The following GABRG2 variants were observed in gnomAD, a reference collection of about 807,000 sequenced individuals.
The protein encoded by GABRG2 is gamma-aminobutyric acid type A receptor subunit gamma2, also known as gamma-aminobutyric acid receptor subunit gamma-2.
GABRG2 carries 16 observed loss-of-function variants against 56.4 expected under a neutral mutation model. That is an observed-to-expected ratio of 0.28 (90% CI 0.19 to 0.43). The LOEUF is 0.43. Ranked by LOEUF, GABRG2 falls within the 20% of genes least tolerant of loss-of-function variation. The pLI is 1.00. For synonymous variants in GABRG2, 208 were observed against 205.5 expected (o/e 1.01, Z -0.10); for missense variants, 327 against 582.7 (o/e 0.56, Z 4.52).
At chr5:162,107,820 A>C (rs1287070994) in intron 6 of GABRG2, among the ~76,000 whole-genome samples, 1 of 152,084 alleles carries the variant, frequency 6.6e-6, no homozygotes, top group Non-Finnish European at 1.5e-5. Context: ...TCATGAAGGC[A>C]CTTATGCTTC....
At chr5:162,140,649 G>A (rs908628581) in intron 6 of GABRG2, among the ~76,000 whole-genome samples, 3 of 152,110 alleles carry the variant, frequency 2.0e-5, no homozygotes, top group African/African-American at 7.2e-5. Flanking sequence ...GTATTTTACA[G>A]CAAAATATAA....
In GABRG2 at chr5:162,120,494, C is replaced by T. The variant is rs1458973751; in HGVS notation, c.769+16468C>T. Among the ~76,000 whole-genome samples, 4 of 152,168 alleles carry T rather than the reference C, an allele frequency of 2.6e-5. No individual in the cohort carries two copies. In the East Asian group the frequency reaches 7.8e-4, roughly 30 times the overall value. On this transcript the variant is annotated intron_variant, in intron 6 of 9. Coordinates refer to ENST00000639213, the MANE Select transcript of GABRG2 (RefSeq NM_198904.4). ...GTACAGTGGAGATATTAGAGAGTTG[C>T]AGTTAGGACTCAAGAACTATAGCTT...
intron 8 of GABRG2, 92 bp downstream of exon 8, chr5:162,149,405 G>T: frequency 8.1e-7 from 1 of 1,237,040 alleles, no homozygotes; most frequent in Admixed American, 1.9e-5. Flanking sequence ...AGGCTCAGCA[G>T]TTTGGGCTCC....
chr5:162,083,153 C>T (rs953934281), intron 1 of GABRG2, among the ~76,000 whole-genome samples: 1 of 151,666 alleles, frequency 6.6e-6, no homozygotes, highest in Non-Finnish European at 1.5e-5. Context: ...AATTTTGCTC[C>T]ACCATTTCAA....
At chr5:162,120,208 A>G (rs939962655) in intron 6 of GABRG2, among the ~76,000 whole-genome samples, 8 of 151,984 alleles carry the variant, frequency 5.3e-5, no homozygotes, top group African/African-American at 1.9e-4. Context: ...TTTACATTCA[A>G]TTTTTGGCCC....
At position 162,094,253 on chromosome 5, in the gene GABRG2, A is replaced by C. The variant is rs1477559705; in HGVS notation, c.259+274A>C. 5 of 434,836 alleles carry C rather than the reference A, an allele frequency of 1.1e-5. No individual in the cohort carries two copies. In the East Asian group the frequency reaches 2.3e-4, roughly 20 times the overall value. 26.9% of individuals were successfully genotyped at this position (434,836 alleles called of 1,614,324 possible). A position where few individuals can be genotyped will look rare whatever the true frequency, so the allele number is the denominator to read the frequency against. On this transcript the variant is annotated intron_variant, in intron 2 of 9. Transcript: ENST00000639213. ...TATCTCAGATAGAAGCTGTAGGAAAAAAAAAACAATGACCCCTTTATGAAG... is the reference window on the plus strand; with the variant it reads ...TATCTCAGATAGAAGCTGTAGGAAACAAAAAACAATGACCCCTTTATGAAG...
intron 6 of GABRG2, among the ~76,000 whole-genome samples, chr5:162,130,698 T>C (rs1480022958): frequency 6.6e-6 from 1 of 152,080 alleles, no homozygotes; most frequent in Non-Finnish European, 1.5e-5. Context: ...ATTGAAGAGA[T>C]AGTATTCAAA....
At chr5:162,136,318 G>T (rs1051064237) in intron 6 of GABRG2, among the ~76,000 whole-genome samples, 1 of 152,152 alleles carries the variant, frequency 6.6e-6, no homozygotes, top group African/African-American at 2.4e-5. Flanking sequence ...AATCTGTACC[G>T]TCCAATACAC....
chr5:162,130,243 A>C (rs1763641783), intron 6 of GABRG2, among the ~76,000 whole-genome samples: 1 of 151,944 alleles, frequency 6.6e-6, no homozygotes, highest in Non-Finnish European at 1.5e-5. Flanking sequence ...AGTGCTTGAG[A>C]ATAAAGAGCA....
rs575309853 is a variant in GABRG2 at position 162,101,665 on chromosome 5, C to T, written c.631+348C>T. ...CTTTAATTATATATCCTCTTCCTTT[C>T]TCTCCTATGGGCCTAGGAAGGGACT... is the stretch of plus-strand genomic sequence containing the variant. On this transcript the variant is annotated intron_variant, in intron 5 of 9. Transcript: ENST00000639213. 1.7e-3 allele frequency: 512 copies of T among 294,626 alleles called. 2 individuals carry two copies. The highest frequency in any genetic ancestry group is 2.3e-3 in the South Asian group (66 of 29,096). The allele number at this position is 294,626 out of a possible 1,614,324, so 18.3% of individuals were successfully genotyped here.
At chr5:162,093,614 T>A (rs543414686) in intron 1 of GABRG2, among the ~76,000 whole-genome samples, 2 of 152,260 alleles carry the variant, frequency 1.3e-5, no homozygotes, top group South Asian at 4.1e-4. Context: ...TATTTGTCCA[T>A]GGGAGGGCAA....
chr5:162,150,957 C>T (rs1581457947), intron 8 of GABRG2: 1 of 152,308 alleles, frequency 6.6e-6, no homozygotes, highest in Non-Finnish European at 1.5e-5. Context: ...TTTTTGTTTG[C>T]TCCCTCTTGT....
chr5:162,090,520 T>C (rs1760489953), intron 1 of GABRG2, among the ~76,000 whole-genome samples: 1 of 152,084 alleles, frequency 6.6e-6, no homozygotes, highest in African/African-American at 2.4e-5. Context: ...TCCCATGCAA[T>C]GTTGCTGCTG....
At chr5:162,113,260 G>A (rs1019340390) in intron 6 of GABRG2, among the ~76,000 whole-genome samples, 2 of 151,954 alleles carry the variant, frequency 1.3e-5, no homozygotes, top group African/African-American at 2.4e-5. Context: ...TTGTATAAGG[G>A]TATCTCTGCT....
chr5:162,145,370 G>A (rs947118084), intron 7 of GABRG2, among the ~76,000 whole-genome samples: 2 of 152,182 alleles, frequency 1.3e-5, no homozygotes, highest in African/African-American at 4.8e-5. Flanking sequence ...TAACATCCCT[G>A]AAGAGCTTAC....
chr5:162,081,798 A>T (rs1052200570), intron 1 of GABRG2, among the ~76,000 whole-genome samples: 1 of 152,018 alleles, frequency 6.6e-6, no homozygotes, highest in African/African-American at 2.4e-5. Context: ...AGCAACTCGA[A>T]CTACATAGCT....
At chr5:162,121,889 A>G (rs1160629311) in intron 6 of GABRG2, among the ~76,000 whole-genome samples, 2 of 152,030 alleles carry the variant, frequency 1.3e-5, no homozygotes, top group African/African-American at 4.8e-5. Context: ...CATTTAATGT[A>G]ATTGAAGGCA....
chr5:162,146,655 G>T (rs1764969781), intron 7 of GABRG2, among the ~76,000 whole-genome samples: 1 of 151,188 alleles, frequency 6.6e-6, no homozygotes. Flanking sequence ...TCCACTGTGG[G>T]ATTATAGTAG....
At chr5:162,109,932 C>T (rs564197155) in intron 6 of GABRG2, among the ~76,000 whole-genome samples, 2 of 152,154 alleles carry the variant, frequency 1.3e-5, no homozygotes, top group South Asian at 4.1e-4. Flanking sequence ...AGGAAATATA[C>T]CACATTTCTC....
Sources: gnomAD v4.1 joint callset for allele counts (sites outside exome capture counted in the v4.1 genomes callset) on GRCh38, gnomAD v4.1.1 for gene constraint, MANE v1.5 for transcripts, NCBI Gene and HGNC (gene_info 2026-07-23, HGNC 2026-07-21) for gene names.